Variants in CNTN1 observed in about 807,000 individuals in gnomAD.
CNTN1 encodes the protein contactin 1, also known as contactin-1.
In CNTN1, 38 loss-of-function variants were observed where a neutral mutation model predicts 126.4. The ratio of observed to expected loss-of-function variants is 0.30; its 90% CI spans 0.23 to 0.39. The LOEUF is 0.39. Among genes scored for constraint, CNTN1 ranks in the 10% least tolerant of loss-of-function variants. The pLI is 1.00. For missense variants in CNTN1, 1,009 were observed against 1,248.4 expected, an observed-to-expected ratio of 0.81 and a Z score of 2.89; for synonymous variants, 413 against 422.6, an observed-to-expected ratio of 0.98 and a Z score of 0.28.
intron 1 of CNTN1, among the ~76,000 whole-genome samples, chr12:40,761,069 T>G (rs1938847285): frequency 6.6e-6 from 1 of 152,152 alleles, no homozygotes; most frequent in African/African-American, 2.4e-5. Flanking sequence ...TTATCATACA[T>G]GTAGCATTTC....
At chr12:40,842,552 A>T (rs1942325505) in intron 1 of CNTN1, among the ~76,000 whole-genome samples, 1 of 151,956 alleles carries the variant, frequency 6.6e-6, no homozygotes, top group Admixed American at 6.6e-5. Flanking sequence ...ATTGTAAAAG[A>T]AAAAATAATA....
intron 1 of CNTN1, among the ~76,000 whole-genome samples, chr12:40,790,876 A>T (rs1307586793): frequency 6.6e-6 from 1 of 152,144 alleles, no homozygotes; most frequent in Non-Finnish European, 1.5e-5. Flanking sequence ...ACCTTAATTC[A>T]AACTCAAGGA....
chr12:40,892,490 A>G (rs1944272052), intron 1 of CNTN1, among the ~76,000 whole-genome samples: 1 of 152,234 alleles, frequency 6.6e-6, no homozygotes, highest in South Asian at 2.1e-4. Flanking sequence ...AAAAATATTA[A>G]TTACAGAAAA....
intron 1 of CNTN1, among the ~76,000 whole-genome samples, chr12:40,767,517 C>A (rs1234679889): frequency 6.6e-6 from 1 of 151,944 alleles, no homozygotes; most frequent in Non-Finnish European, 1.5e-5. Flanking sequence ...ACCGTGTTAG[C>A]CAGGATGATC....
chr12:40,755,562 A>T (rs80305143), intron 1 of CNTN1, among the ~76,000 whole-genome samples: 16,684 of 151,008 alleles, frequency 0.11, 1,014 homozygotes, highest in Non-Finnish European at 0.13. Flanking sequence ...ATATTTAATT[A>T]AAAAAAAACA....
Position 40,924,627 on chromosome 12 carries a change from C to T in CNTN1, c.471C>T (p.Leu157=). ...RVKEGKGMVL[L]CDPPYHFPDD... ...AAGAAGGGAAAGGAATGGTGCTTCT[C>T]TGTGACCCCCCATACCATTTTCCAG... Residue 157 remains leucine (L), a synonymous_variant, in exon 6 of 24, where the codon CTC becomes CTT. Transcript: ENST00000551295. 6.2e-7 allele frequency: 1 copy of T among 1,601,362 alleles called. No homozygotes were observed. Among genetic ancestry groups the T allele is most frequent in the Non-Finnish European group, 8.6e-7 (1 of 1,168,894 alleles).
chr12:40,718,470 T>G (rs1942105369), intron 1 of CNTN1, among the ~76,000 whole-genome samples: 1 of 152,126 alleles, frequency 6.6e-6, no homozygotes, highest in Non-Finnish European at 1.5e-5. Context: ...TGAGCCATCA[T>G]TCCCAGTGTT....
chr12:41,019,970 G>A (rs948988697), intron 19 of CNTN1, among the ~76,000 whole-genome samples: 17 of 151,894 alleles, frequency 1.1e-4, no homozygotes, highest in African/African-American at 4.1e-4. Flanking sequence ...GCTTTCTTAA[G>A]CATATCAGTT....
At chr12:41,054,948 T>C (rs1272981960) in intron 23 of CNTN1, among the ~76,000 whole-genome samples, 2 of 152,148 alleles carry the variant, frequency 1.3e-5, no homozygotes, top group Non-Finnish European at 2.9e-5. Context: ...AAATCCAACA[T>C]TGCAAGTTTT....
At position 41,067,020 on chromosome 12, in the gene CNTN1, T is replaced by C. The variant is rs74690342; in HGVS notation, c.2981-2939T>C. Among the ~76,000 whole-genome samples the C allele has an allele frequency of 4.8e-3, 736 of 152,314 alleles. 3 individuals are homozygous for C. Among genetic ancestry groups the C allele is most frequent in the Admixed American group, 7.8e-3 (120 of 15,298 alleles). ...TAACACATAAGTACCAGAATTATGA[T>C]TGATAGCAGTATTCTGATATATATG... On this transcript the variant is annotated intron_variant, in intron 23 of 23. Coordinates refer to ENST00000551295, the MANE Select transcript of CNTN1 (RefSeq NM_001843.4).
chr12:40,974,780 C>T (rs1037099609), intron 15 of CNTN1, among the ~76,000 whole-genome samples: 3 of 152,038 alleles, frequency 2.0e-5, no homozygotes, highest in Non-Finnish European at 4.4e-5. Flanking sequence ...ATAGCACTTA[C>T]ATCATAGGGT....
chr12:41,008,521 G>T (rs190271057), intron 17 of CNTN1, among the ~76,000 whole-genome samples: 147 of 152,190 alleles, frequency 9.7e-4, no homozygotes, highest in Non-Finnish European at 1.8e-3. Context: ...ATATGTCATT[G>T]GGTGGCTAGT....
intron 17 of CNTN1, among the ~76,000 whole-genome samples, chr12:40,997,295 T>G (rs538796001): frequency 3.9e-5 from 6 of 152,350 alleles, no homozygotes; most frequent in African/African-American, 1.4e-4. Context: ...TTCAGGTTTG[T>G]TTTAACAGCT....
intron 1 of CNTN1, among the ~76,000 whole-genome samples, chr12:40,844,417 T>C (rs1033157706): frequency 2.0e-5 from 3 of 152,158 alleles, no homozygotes; most frequent in African/African-American, 4.8e-5. Context: ...AATATTGTTT[T>C]TTTGTGTGTG....
chr12:40,856,654 G>T (rs1942918972), intron 1 of CNTN1, among the ~76,000 whole-genome samples: 1 of 152,010 alleles, frequency 6.6e-6, no homozygotes, highest in South Asian at 2.1e-4. Flanking sequence ...AATTTCTCTG[G>T]GCAAGATAAA....
At chr12:40,729,937 T>C (rs1288302082) in intron 1 of CNTN1, 1 of 152,760 alleles carries the variant, frequency 6.5e-6, no homozygotes, top group Admixed American at 6.5e-5. Context: ...AGTACCTTCT[T>C]ACTGTACTAT....
At chr12:40,903,224 G>C (rs1425057017) in intron 1 of CNTN1, among the ~76,000 whole-genome samples, 5 of 152,082 alleles carry the variant, frequency 3.3e-5, no homozygotes, top group African/African-American at 1.2e-4. Context: ...GTGTACAAGA[G>C]GTCACAGGGC....
At chr12:40,996,806 C>T (rs1948229396) in intron 17 of CNTN1, among the ~76,000 whole-genome samples, 1 of 152,144 alleles carries the variant, frequency 6.6e-6, no homozygotes, top group South Asian at 2.1e-4. Context: ...GAATATGCAT[C>T]AAATTGGACA....
chr12:40,899,044 C>T (rs1223949398), intron 1 of CNTN1, among the ~76,000 whole-genome samples: 1 of 152,148 alleles, frequency 6.6e-6, no homozygotes, highest in East Asian at 1.9e-4. Flanking sequence ...ATTATTACAG[C>T]ACAGGAAGTC....
Sources: allele counts gnomAD v4.1 joint callset (sites outside exome capture counted in the v4.1 genomes callset), GRCh38; gene constraint gnomAD v4.1.1; transcripts MANE v1.5; gene names NCBI Gene and HGNC (gene_info 2026-07-23, HGNC 2026-07-21).